The following EVI2B variants were observed in gnomAD, a reference collection of about 807,000 sequenced individuals.
EVI2B encodes protein EVI2B.
EVI2B carries 4 observed loss-of-function variants against 6.6 expected under a neutral mutation model. The ratio of observed to expected loss-of-function variants is 0.61; its 90% CI spans 0.30 to 1.39. The LOEUF (loss-of-function observed/expected upper bound fraction) is 1.39. EVI2B is among the 40% of genes most tolerant of loss of function. The pLI, the probability that EVI2B is intolerant of heterozygous loss-of-function variation, is 0.08. For synonymous variants in EVI2B, 181 were observed against 186.8 expected (o/e 0.97, Z 0.25); for missense variants, 484 against 516.6 (o/e 0.94, Z 0.61).
rs765491483 is a variant in EVI2B at position 31,304,950 on chromosome 17, G to A, written c.660C>T (p.Ile220=). Residue 220 remains isoleucine (I), a synonymous_variant, in exon 2 of 2, where the codon ATC becomes ATT. Transcript: ENST00000330927. Reference sequence around the variant, plus strand: ...TTAAGCATTTCCAAAGTACAATGATGATTATAGCTACCAACATAGAAGTCA... The same window carrying A: ...TTAAGCATTTCCAAAGTACAATGATAATTATAGCTACCAACATAGAAGTCA... ...VLLTSMLVAI[I]IIVLWKCLRK... is the part of the protein sequence containing the mutation. 1 of 1,614,100 alleles carries A rather than the reference G, an allele frequency of 6.2e-7. No homozygotes were observed.
intron 1 of EVI2B, among the ~76,000 whole-genome samples, chr17:31,313,286 T>G (rs928675568): frequency 6.6e-6 from 1 of 152,224 alleles, no homozygotes; most frequent in African/African-American, 2.4e-5. Context: ...ATTAGAACTT[T>G]TAACAATTAA....
At position 31,314,032 on chromosome 17, in the gene EVI2B, T is replaced by C; in HGVS notation, c.-75A>G. 2.5e-6 allele frequency: 1 copy of C among 398,140 alleles called. No individual in the cohort carries two copies. The highest frequency in any genetic ancestry group is 4.4e-6 in the Non-Finnish European group (1 of 225,824). The allele number at this position is 398,140 out of a possible 1,614,324, so 24.7% of individuals were successfully genotyped here. On this transcript the variant is annotated 5_prime_UTR_variant, in exon 1 of 2. Transcript: ENST00000330927. Reference sequence around the variant, plus strand: ...CTAAATTCTTGTTCTAACTGGACATTTTGGTGATTTGGCTAAGAAAGGAAA... The same window carrying C: ...CTAAATTCTTGTTCTAACTGGACATCTTGGTGATTTGGCTAAGAAAGGAAA...
chr17:31,311,124 TG>T (rs551208335), intron 1 of EVI2B, among the ~76,000 whole-genome samples: 37 of 152,146 alleles, frequency 2.4e-4, no homozygotes, highest in African/African-American at 8.9e-4. Flanking sequence ...AACTAATTTT[TG>T]TATTTTTTGT....
At chr17:31,308,119 TTC>T (rs1280097061) in intron 1 of EVI2B, among the ~76,000 whole-genome samples, 3 of 152,094 alleles carry the variant, frequency 2.0e-5, no homozygotes, top group Non-Finnish European at 2.9e-5. Context: ...AGGGTTTAAT[TTC>T]TGTTAAGATA....
At chr17:31,306,800 A>T (rs1215625658) in intron 1 of EVI2B, among the ~76,000 whole-genome samples, 14 of 150,378 alleles carry the variant, frequency 9.3e-5, no homozygotes, top group African/African-American at 2.9e-4. Flanking sequence ...AGGAGATTAA[A>T]AAAAAAAAAA....
rs772195960 is a variant in EVI2B at position 31,305,540 on chromosome 17, C to G, written c.70G>C (p.Glu24Gln). 9.9e-6 allele frequency: 16 copies of G among 1,613,886 alleles called. No homozygotes were observed. The South Asian group carries it at 1.2e-4, about 12-fold the overall frequency. Residue 24 changes from glutamate (E) to glutamine (Q), a missense_variant, in exon 2 of 2, where the codon GAG (glutamate) becomes CAG (glutamine). Physicochemically the swap from Glu to Gln is conservative, Grantham distance 29 (BLOSUM62 2). Transcript: ENST00000330927. ...HLNNTFFSKT[E>Q]TITTEKQSQP... Reference sequence around the variant, plus strand: ...GACTGCTTCTCTGTTGTAATTGTCTCTGTCTTTGAAAAAAATGTATTGTTC... The same window carrying G: ...GACTGCTTCTCTGTTGTAATTGTCTGTGTCTTTGAAAAAAATGTATTGTTC...
chr17:31,307,231 A>T (rs1455940272), intron 1 of EVI2B, among the ~76,000 whole-genome samples: 1 of 151,534 alleles, frequency 6.6e-6, no homozygotes, highest in Admixed American at 6.6e-5. Context: ...CGTGTTGGCC[A>T]GGCTGCTCGA....
intron 1 of EVI2B, among the ~76,000 whole-genome samples, chr17:31,307,011 T>TA (rs1368786414): frequency 1.3e-5 from 2 of 151,690 alleles, no homozygotes; most frequent in Non-Finnish European, 2.9e-5. Context: ...GAAAAAAAGC[T>TA]AAAAAATAAT....
chr17:31,304,601 C>T lies in EVI2B; in HGVS notation c.1009G>A (p.Asp337Asn). 1 of 1,614,108 alleles carries T rather than the reference C, an allele frequency of 6.2e-7. No individual in the cohort carries two copies. Among genetic ancestry groups the T allele is most frequent in the Non-Finnish European group, 8.5e-7 (1 of 1,180,012 alleles). The change falls in exon 2 of 2, where the codon GAT becomes AAT. Residue 337 changes from aspartate to asparagine, a missense_variant. Asp to Asn is a conservative substitution (Grantham distance 23). Transcript: ENST00000330927. ...GTAVSSSDDADLPPPPPLLDL... is the reference protein window; with the variant it reads ...GTAVSSSDDANLPPPPPLLDL... ...AGAAGGGGAGGTGGTGGAGGCAGAT[C>T]TGCATCATCTGAAGAAGAAACAGCA...
At position 31,308,404 on chromosome 17, in the gene EVI2B, A is replaced by G. The variant is rs148768004; in HGVS notation, c.-21-2774T>C. On this transcript the variant is annotated intron_variant, in intron 1 of 1. Transcript: ENST00000330927. The stretch of plus-strand genomic sequence containing the variant: ...GATCTGTCCGCCTCAGCCTCCCAAA[A>G]TGCTGGGATTACAGGCATGAGCCAC... 7.4e-4 allele frequency among the ~76,000 whole-genome samples: 112 copies of G among 152,088 alleles called. 1 individual carries two copies. The highest frequency in any genetic ancestry group is 2.6e-3 in the African/African-American group (108 of 41,512).
Position 31,304,908 on chromosome 17 carries a change from A to G in EVI2B, c.702T>C (p.Asn234=), listed in dbSNP as rs141549690. The part of the protein sequence containing the change: ...LWKCLRKPVL[N]DQNWAGRSPF... ...GAGATCTACCTGCCCAATTTTGATC[A>G]TTTAAAACTGGTTTCCTTAAGCATT... The change falls in exon 2 of 2, where the codon AAT becomes AAC. Residue 234 remains asparagine (N), a synonymous_variant. Coordinates refer to ENST00000330927, the MANE Select transcript of EVI2B (RefSeq NM_006495.4). 4.3e-6 allele frequency: 7 copies of G among 1,614,034 alleles called. No individual in the cohort carries two copies. The African/African-American group carries it at 8.0e-5, about 18-fold the overall frequency.
In EVI2B at chr17:31,303,782, C is replaced by G. The variant is rs1567883245; in HGVS notation, c.*481G>C. On this transcript the variant is annotated 3_prime_UTR_variant, in exon 2 of 2. Coordinates refer to ENST00000330927, the MANE Select transcript of EVI2B (RefSeq NM_006495.4). ...AGAAGAAAATTTCTCTATTCTCAAA[C>G]ATGCATTTTAATCTCCCATTCCCAC... 2 of 152,456 alleles carry G rather than the reference C, an allele frequency of 1.3e-5. No individual in the cohort carries two copies. The highest frequency in any genetic ancestry group is 2.4e-5 in the African/African-American group (1 of 41,432). 9.4% of individuals were successfully genotyped at this position (152,456 alleles called of 1,614,324 possible). A position where few individuals can be genotyped will look rare whatever the true frequency, so the allele number is the denominator to read the frequency against.
At chr17:31,311,163 G>GA (rs906332909) in intron 1 of EVI2B, among the ~76,000 whole-genome samples, 2 of 151,932 alleles carry the variant, frequency 1.3e-5, no homozygotes, top group African/African-American at 4.8e-5. Flanking sequence ...ATGTCACCCA[G>GA]ACTTGCCTTG....
At chr17:31,307,892 C>T (rs760284628) in intron 1 of EVI2B, 6 of 1,288,948 alleles carry the variant, frequency 4.7e-6, no homozygotes, top group Non-Finnish European at 6.1e-6. Flanking sequence ...ATTACCTTTT[C>T]AGCATATCTA....
intron 1 of EVI2B, among the ~76,000 whole-genome samples, chr17:31,308,368 T>C (rs533096732): frequency 1.3e-5 from 2 of 152,252 alleles, no homozygotes; most frequent in African/African-American, 4.8e-5. Flanking sequence ...CTCGAACTCC[T>C]GACCTCAAGT....
chr17:31,310,059 C>CT (rs1423216976), intron 1 of EVI2B, among the ~76,000 whole-genome samples: 1 of 152,036 alleles, frequency 6.6e-6, no homozygotes, highest in South Asian at 2.1e-4. Flanking sequence ...AAAAAACTGA[C>CT]TTTTTTCCCA....
rs375405082 is a variant in EVI2B, at chr17:31,305,489, T to C, written c.121A>G (p.Met41Val). The C allele has an allele frequency of 6.2e-7, 1 of 1,614,084 alleles. No homozygotes were observed. The highest frequency in any genetic ancestry group is 8.5e-7 in the Non-Finnish European group (1 of 1,180,042). The change falls in exon 2 of 2, where the codon ATG becomes GTG. Residue 41 changes from methionine to valine, a missense_variant. Physicochemically the swap from Met to Val is conservative, Grantham distance 21 (BLOSUM62 1). Transcript: ENST00000330927. The stretch of plus-strand genomic sequence containing the variant: ...TGAGAATTAGCCAATACCTGTGACA[T>C]TGATGATGTGAATAAGGTAGGCTGT... ...QSQPTLFTSS[M>V]SQVLANSQNT...
chr17:31,311,828 ACT>A (rs1332172441), intron 1 of EVI2B, among the ~76,000 whole-genome samples: 2 of 152,174 alleles, frequency 1.3e-5, no homozygotes, highest in Non-Finnish European at 2.9e-5. Context: ...TATGTGCTAT[ACT>A]GCCTTTCATA....
intron 1 of EVI2B, among the ~76,000 whole-genome samples, chr17:31,306,928 T>G (rs1391784899): frequency 6.6e-6 from 1 of 151,916 alleles, no homozygotes; most frequent in Non-Finnish European, 1.5e-5. Flanking sequence ...GATGGGAGGA[T>G]CGTTTGAGGC....
Sources: gnomAD v4.1 joint callset for allele counts (sites outside exome capture counted in the v4.1 genomes callset) on GRCh38, gnomAD v4.1.1 for gene constraint, MANE v1.5 for transcripts, NCBI Gene and HGNC (gene_info 2026-07-23, HGNC 2026-07-21) for gene names.